Variants in LRRC17 observed in about 807,000 individuals in gnomAD.
LRRC17 encodes leucine rich repeat containing 17, also known as leucine-rich repeat-containing protein 17.
In LRRC17, 33 loss-of-function variants were observed where a neutral mutation model predicts 41.5. The observed-to-expected ratio is 0.80, with a 90% CI of 0.60 to 1.06. LRRC17 has a LOEUF of 1.06. LRRC17 is among the 50% of genes least tolerant of loss of function. LRRC17 has a pLI of 0.00. For synonymous variants in LRRC17, 192 were observed against 197.0 expected, an observed-to-expected ratio of 0.97 and a Z score of 0.21; for missense variants, 491 against 519.3, an observed-to-expected ratio of 0.95 and a Z score of 0.53.
Position 102,944,271 on chromosome 7 carries a change from C to CT in LRRC17, c.993dup (p.Asp332Ter), listed in dbSNP as rs746903334. 4 of 1,613,440 alleles carry CT rather than the reference C, an allele frequency of 2.5e-6. No individual in the cohort carries two copies. Among genetic ancestry groups the CT allele is most frequent in the Non-Finnish European group, 3.4e-6 (4 of 1,179,802 alleles). ...ATTTATCAAACAACAGTCTGCAAAA[C>CT]TTTGACTATGGCGTATTAGAAGACT... On this transcript the variant is annotated frameshift_variant, in exon 4 of 4. Coordinates refer to ENST00000339431, the MANE Select transcript of LRRC17 (RefSeq NM_001031692.3). LOFTEE classifies it high-confidence loss of function.
chr7:102,930,183 G>A (rs775104844), intron 1 of LRRC17, among the ~76,000 whole-genome samples: 2 of 152,142 alleles, frequency 1.3e-5, no homozygotes, highest in Non-Finnish European at 2.9e-5. Context: ...CTGTAAAAAT[G>A]AGGCTGAGAG....
chr7:102,917,597 GCAAT>G (rs747905325), intron 1 of LRRC17, among the ~76,000 whole-genome samples: 5 of 152,210 alleles, frequency 3.3e-5, no homozygotes, highest in Non-Finnish European at 7.3e-5. Context: ...GAAGCATGCA[GCAAT>G]CAGATGACTG....
At chr7:102,931,892 G>A in intron 1 of LRRC17, 1 of 1,613,276 alleles carries the variant, frequency 6.2e-7, no homozygotes, top group Non-Finnish European at 8.5e-7. Context: ...GTGAATGTTG[G>A]GCAGTCAGAG....
chr7:102,944,130 A>C, intron 3 of LRRC17, 80 bp from the exon 4 acceptor site: 1 of 1,119,588 alleles, frequency 8.9e-7, no homozygotes, highest in South Asian at 2.1e-5. Flanking sequence ...CTCTTTTTAA[A>C]ATTTGTATTT....
chr7:102,941,338 C>A (rs1037147688), intron 3 of LRRC17, among the ~76,000 whole-genome samples: 1 of 152,132 alleles, frequency 6.6e-6, no homozygotes, highest in Non-Finnish European at 1.5e-5. Flanking sequence ...GAAGTGGAGA[C>A]CCTTTCTTGC....
At chr7:102,931,774 C>T in intron 1 of LRRC17, 1 of 1,040,328 alleles carries the variant, frequency 9.6e-7, no homozygotes. Context: ...TGCTCTTTTC[C>T]ACATTGAATC....
At chr7:102,926,464 C>CAAAAAAA in intron 1 of LRRC17, 1 of 981,818 alleles carries the variant, frequency 1.0e-6, no homozygotes, top group Admixed American at 2.7e-5. Flanking sequence ...CTTCCTGTTC[C>CAAAAAAA]AGAAAAAAAT....
intron 1 of LRRC17, among the ~76,000 whole-genome samples, chr7:102,926,619 C>T (rs532873345): frequency 6.0e-4 from 92 of 152,298 alleles, no homozygotes; most frequent in African/African-American, 1.9e-3. Context: ...ATCACAATGA[C>T]ACTTCATTAA....
chr7:102,927,505 C>G (rs1195535807), intron 1 of LRRC17, among the ~76,000 whole-genome samples: 1 of 152,168 alleles, frequency 6.6e-6, no homozygotes, highest in Non-Finnish European at 1.5e-5. Flanking sequence ...TTCCAGTAGT[C>G]ATGGATTTTT....
In LRRC17 at chr7:102,944,352, C is replaced by T. The variant is rs940005328; in HGVS notation, c.1071C>T (p.Asn357=). ...ATAACCCTTGGAGATGTGACTACAA[C>T]ATTCACTACCTCTACTACTGGTTAA... ...LRDNPWRCDY[N]IHYLYYWLKH... is the part of the protein sequence containing the mutation. The change falls in exon 4 of 4, where the codon AAC becomes AAT. Residue 357 remains asparagine (N), a synonymous_variant. Transcript: ENST00000339431. 7 of 1,613,946 alleles carry T rather than the reference C, an allele frequency of 4.3e-6. No homozygotes were observed. In the African/African-American group the frequency reaches 6.7e-5, roughly 15 times the overall value.
At chr7:102,943,358 T>A (rs1040964925) in intron 3 of LRRC17, among the ~76,000 whole-genome samples, 29 of 148,388 alleles carry the variant, frequency 2.0e-4, no homozygotes, top group African/African-American at 6.6e-4. Context: ...AAGCCCAAAA[T>A]ACATTTTTTA....
chr7:102,934,114 T>C lies in LRRC17; in HGVS notation c.201T>C (p.Cys67=). 1.2e-6 allele frequency: 2 copies of C among 1,614,064 alleles called. No individual in the cohort carries two copies. The highest frequency in any genetic ancestry group is 2.2e-5 in the South Asian group (2 of 91,080). ...ATCTCCATGAGAAATACTTAGATTGTCAAGAAAGAAAATTAGTTTATGTGC... is the reference window on the plus strand; with the variant it reads ...ATCTCCATGAGAAATACTTAGATTGCCAAGAAAGAAAATTAGTTTATGTGC... ...YTYLHEKYLD[C]QERKLVYVLP... The change falls in exon 2 of 4, where the codon TGT becomes TGC. Residue 67 remains cysteine (C), a synonymous_variant. Coordinates refer to ENST00000339431, the MANE Select transcript of LRRC17 (RefSeq NM_001031692.3).
At chr7:102,924,667 G>C (rs1425994765) in intron 1 of LRRC17, among the ~76,000 whole-genome samples, 2 of 146,350 alleles carry the variant, frequency 1.4e-5, no homozygotes, top group African/African-American at 2.5e-5. Flanking sequence ...TTTGAGATGG[G>C]GTCTCGCTCT....
intron 2 of LRRC17, among the ~76,000 whole-genome samples, chr7:102,935,708 T>C (rs957732133): frequency 2.0e-5 from 3 of 152,208 alleles, no homozygotes. Context: ...ACTGCTAATC[T>C]ACCCTACAAT....
intron 1 of LRRC17, chr7:102,931,898 CAG>C (rs768783148): frequency 6.2e-7 from 1 of 1,613,568 alleles, no homozygotes; most frequent in Non-Finnish European, 8.5e-7. Context: ...GTTGGGCAGT[CAG>C]AGACATTCAA....
chr7:102,919,797 C>T (rs1211348183), intron 1 of LRRC17, among the ~76,000 whole-genome samples: 3 of 152,168 alleles, frequency 2.0e-5, no homozygotes, highest in Admixed American at 2.0e-4. Flanking sequence ...AACTATCTGA[C>T]TCTCATGCAT....
rs1467564816 is a variant in LRRC17 at position 102,923,845 on chromosome 7, A to G, written c.-140-9929A>G. Among the ~76,000 whole-genome samples, 4 of 152,066 alleles carry G rather than the reference A, an allele frequency of 2.6e-5. No individual in the cohort carries two copies. The East Asian group carries it at 7.7e-4, about 29-fold the overall frequency. On this transcript the variant is annotated intron_variant, in intron 1 of 3. Coordinates refer to ENST00000339431, the MANE Select transcript of LRRC17 (RefSeq NM_001031692.3). The stretch of plus-strand genomic sequence containing the variant: ...ATCTCAAAATAAATAAATAAATAAA[A>G]AGAATTTTAGATATATAAGAAGGAA...
intron 1 of LRRC17, among the ~76,000 whole-genome samples, chr7:102,921,714 G>A (rs566001475): frequency 1.6e-4 from 24 of 152,068 alleles, no homozygotes; most frequent in Non-Finnish European, 2.9e-4. Context: ...AAGAAGCTCT[G>A]TTTTAAGCAT....
chr7:102,927,431 C>T (rs908652503), intron 1 of LRRC17, among the ~76,000 whole-genome samples: 1 of 152,168 alleles, frequency 6.6e-6, no homozygotes, highest in Admixed American at 6.5e-5. Flanking sequence ...CCTAACACCA[C>T]TAAAGATAGT....
Sources: gnomAD v4.1 joint callset for allele counts (sites outside exome capture counted in the v4.1 genomes callset) on GRCh38, gnomAD v4.1.1 for gene constraint, MANE v1.5 for transcripts, NCBI Gene and HGNC (gene_info 2026-07-23, HGNC 2026-07-21) for gene names.